The following KIF20B variants were observed in gnomAD, a reference collection of about 807,000 sequenced individuals.
KIF20B encodes kinesin family member 20B, also known as kinesin-like protein KIF20B.
KIF20B carries 188 observed loss-of-function variants against 232.5 expected under a neutral mutation model. That is an observed-to-expected ratio of 0.81 (90% CI 0.72 to 0.91). The LOEUF (loss-of-function observed/expected upper bound fraction) is 0.91. KIF20B is among the 40% of genes least tolerant of loss of function. The pLI is 0.00. For synonymous variants in KIF20B, 712 were observed against 683.0 expected (o/e 1.04, Z -0.66); for missense variants, 2,154 against 2,055.9 (o/e 1.05, Z -0.92).
intron 12 of KIF20B, 81 bp downstream of exon 12, chr10:89,718,953 G>A: frequency 2.4e-6 from 2 of 844,938 alleles, no homozygotes; most frequent in Non-Finnish European, 3.5e-6. Flanking sequence ...ACTTAATACT[G>A]TAAGCCTAGG....
chr10:89,754,650 T>C lies in KIF20B; in HGVS notation c.4480T>C (p.Phe1494Leu). The change falls in exon 26 of 33, where the codon TTT becomes CTT. Residue 1494 changes from phenylalanine (F) to leucine (L), a missense_variant. Phe to Leu is a conservative substitution (Grantham distance 22). Coordinates refer to ENST00000371728, the MANE Select transcript of KIF20B (RefSeq NM_001284259.2). ...MKKYAEDRER[F>L]FKQQNEMEIL... ...AAAATATGCTGAGGACAGGGAGCGT[T>C]TTTTTAAGCAACAGAATGAAATGGT... 1.3e-6 allele frequency: 2 copies of C among 1,583,002 alleles called. No homozygotes were observed. The highest frequency in any genetic ancestry group is 1.7e-6 in the Non-Finnish European group (2 of 1,167,270).
chr10:89,756,060 C>T (rs1842113601), intron 26 of KIF20B, among the ~76,000 whole-genome samples: 1 of 152,130 alleles, frequency 6.6e-6, no homozygotes, highest in Non-Finnish European at 1.5e-5. Context: ...TGCTAAACTC[C>T]AGACCATACA....
intron 2 of KIF20B, among the ~76,000 whole-genome samples, chr10:89,708,247 T>C (rs1842766783): frequency 6.6e-6 from 1 of 151,940 alleles, no homozygotes; most frequent in African/African-American, 2.4e-5. Context: ...GTTCTGCTCT[T>C]GTTGCCCAGG....
At position 89,768,278 on chromosome 10, in the gene KIF20B, C is replaced by T. The variant is rs373843093; in HGVS notation, c.4990-12C>T. 143 of 1,448,788 alleles carry T rather than the reference C, an allele frequency of 9.9e-5. No individual in the cohort carries two copies. The highest frequency in any genetic ancestry group is 1.9e-4 in the Middle Eastern group (1 of 5,390). The allele number at this position is 1,448,788 out of a possible 1,614,324, so 89.7% of individuals were successfully genotyped here. A position where few individuals can be genotyped will look rare whatever the true frequency, so the allele number is the denominator to read the frequency against. ...CAAGAAATTAACTGGTGCTAAAATT[C>T]ATTATTTTTAGGACTTGGTGAAATG... On this transcript the variant is annotated splice_polypyrimidine_tract_variant and intron_variant, in intron 29 of 32. Coordinates refer to ENST00000371728, the MANE Select transcript of KIF20B (RefSeq NM_001284259.2).
chr10:89,721,973 G>A (rs1843068887), intron 13 of KIF20B, among the ~76,000 whole-genome samples: 1 of 152,124 alleles, frequency 6.6e-6, no homozygotes, highest in Non-Finnish European at 1.5e-5. Flanking sequence ...GTGCAATAGT[G>A]TAGTTATGGC....
At position 89,737,661 on chromosome 10, in the gene KIF20B, T is replaced by C. The variant is rs1322982616; in HGVS notation, c.2820T>C (p.Tyr940=). The change falls in exon 20 of 33, where the codon TAT becomes TAC. Residue 940 remains tyrosine (Y), a synonymous_variant. Transcript: ENST00000371728. ...AGGTCCAACAAATTCAGTCAAATTA[T>C]GATATTGCAATTGCTGAATTACATG... ...SKEVQQIQSN[Y]DIAIAELHVQ... The C allele has an allele frequency of 6.2e-7, 1 of 1,612,438 alleles. No individual in the cohort carries two copies. Among genetic ancestry groups the C allele is most frequent in the Non-Finnish European group, 8.5e-7 (1 of 1,178,942 alleles).
intron 27 of KIF20B, 79 bp downstream of exon 27, chr10:89,758,961 G>C (rs1460634872): frequency 4.3e-6 from 4 of 931,178 alleles, no homozygotes; most frequent in Middle Eastern, 3.4e-4. Context: ...GAATAAAAAA[G>C]TGTAAGTCTC....
chr10:89,730,169 G>C (rs537391855), intron 18 of KIF20B, among the ~76,000 whole-genome samples: 1 of 152,162 alleles, frequency 6.6e-6, no homozygotes, highest in South Asian at 2.1e-4. Flanking sequence ...CCTATAGTAG[G>C]CCTTTCTTTT....
intron 8 of KIF20B, among the ~76,000 whole-genome samples, chr10:89,715,793 C>T (rs569719882): frequency 1.6e-4 from 25 of 152,158 alleles, no homozygotes; most frequent in African/African-American, 5.3e-4. Context: ...GAATTCGAGA[C>T]GAGCTTGGTC....
intron 13 of KIF20B, among the ~76,000 whole-genome samples, chr10:89,721,951 A>G (rs1294515107): frequency 6.6e-6 from 1 of 152,110 alleles, no homozygotes; most frequent in Non-Finnish European, 1.5e-5. Flanking sequence ...TTGCTCTGTT[A>G]CCTAGGCTGG....
At chr10:89,752,955 C>T (rs963246657) in intron 25 of KIF20B, among the ~76,000 whole-genome samples, 3 of 152,058 alleles carry the variant, frequency 2.0e-5, no homozygotes, top group Non-Finnish European at 2.9e-5. Flanking sequence ...ATTCATAAAC[C>T]ACTGCTTCTA....
intron 29 of KIF20B, among the ~76,000 whole-genome samples, chr10:89,763,258 G>A (rs924369657): frequency 6.6e-6 from 1 of 152,180 alleles, no homozygotes; most frequent in Admixed American, 6.5e-5. Context: ...TCCAGCCTGG[G>A]TGATAGAGCG....
At chr10:89,764,282 A>C (rs202120532) in intron 29 of KIF20B, among the ~76,000 whole-genome samples, 60 of 151,984 alleles carry the variant, frequency 3.9e-4, no homozygotes, top group African/African-American at 1.1e-3. Context: ...ACATTTTCTT[A>C]ATCCAGTCTA....
intron 30 of KIF20B, 45 bp from the exon 31 acceptor site, chr10:89,768,693 C>A: frequency 6.6e-7 from 1 of 1,523,300 alleles, no homozygotes; most frequent in South Asian, 1.3e-5. Context: ...CTATTTCCTT[C>A]TAACACTTCT....
At chr10:89,757,040 G>GTATGTGTATATATATATATATATA (rs1554852904) in intron 26 of KIF20B, among the ~76,000 whole-genome samples, 9 of 110,746 alleles carry the variant, frequency 8.1e-5, no homozygotes, top group Non-Finnish European at 1.3e-4. Context: ...GTGTGTGTGT[G>GTATGTGTATATATATATATATATA]TATATATATA....
At chr10:89,747,504 A>C (rs913921154) in intron 23 of KIF20B, among the ~76,000 whole-genome samples, 7 of 151,528 alleles carry the variant, frequency 4.6e-5, no homozygotes, top group African/African-American at 1.7e-4. Flanking sequence ...CAACAATGAT[A>C]GACTGGATGA....
chr10:89,747,619 A>C (rs1433729800), intron 23 of KIF20B, among the ~76,000 whole-genome samples: 1 of 151,994 alleles, frequency 6.6e-6, no homozygotes, highest in Non-Finnish European at 1.5e-5. Context: ...CATCATTCTC[A>C]GTAAACTATC....
At chr10:89,763,448 C>T (rs1396183702) in intron 29 of KIF20B, among the ~76,000 whole-genome samples, 1 of 152,130 alleles carries the variant, frequency 6.6e-6, no homozygotes, top group Admixed American at 6.6e-5. Context: ...GTCACTTTCC[C>T]TGTATTGGAA....
intron 13 of KIF20B, among the ~76,000 whole-genome samples, chr10:89,720,318 A>G (rs992690443): frequency 1.3e-5 from 2 of 152,320 alleles, no homozygotes; most frequent in African/African-American, 4.8e-5. Flanking sequence ...TAGGTTTAAT[A>G]CATTAGGGAA....
Sources: gnomAD v4.1 joint callset for allele counts (sites outside exome capture counted in the v4.1 genomes callset) on GRCh38, gnomAD v4.1.1 for gene constraint, MANE v1.5 for transcripts, NCBI Gene and HGNC (gene_info 2026-07-23, HGNC 2026-07-21) for gene names.